Variants in FAM120A observed in about 807,000 individuals in gnomAD.
FAM120A encodes family with sequence similarity 120 member A.
In FAM120A, 15 loss-of-function variants were observed where a neutral mutation model predicts 109.7. That is an observed-to-expected ratio of 0.14 (90% CI 0.09 to 0.21). The LOEUF (loss-of-function observed/expected upper bound fraction) is 0.21, where lower values mean the gene tolerates loss of function less well. Among genes scored for constraint, FAM120A ranks in the 10% least tolerant of loss-of-function variants. The pLI, the probability that FAM120A is intolerant of heterozygous loss-of-function variation, is 1.00. For missense variants in FAM120A, 899 were observed against 1,439.3 expected (o/e 0.62, Z 6.07); for synonymous variants, 493 against 572.8 (o/e 0.86, Z 1.99).
At position 93,486,218 on chromosome 9, in the gene FAM120A, C is replaced by T. The variant is rs147689562; in HGVS notation, c.804+9880C>T. On this transcript the variant is annotated intron_variant, in intron 3 of 17. Transcript: ENST00000277165. ...TCGAACTCCTGGCCTCAAGCATCCT[C>T]CCACCTCGGCCTCCCATAGTCCTGG... 4.5e-3 allele frequency among the ~76,000 whole-genome samples: 681 copies of T among 151,972 alleles called. 3 individuals are homozygous for T. Among genetic ancestry groups the T allele is most frequent in the Non-Finnish European group, 6.7e-3 (457 of 67,964 alleles).
Position 93,532,020 on chromosome 9 carries a change from G to A in FAM120A, c.1735-135G>A. ...ACTCTTCCTAAACATCTTTATTTAG[G>A]CAAGTTGTTAAGCAGTTGATTTGGA... On this transcript the variant is annotated intron_variant, in intron 9 of 17. Transcript: ENST00000277165. This position sits in a 1 kb window ranked among gnomAD's most constrained non-coding sequence, Gnocchi z 4.3. 1.2e-6 allele frequency: 1 copy of A among 831,160 alleles called. No individual in the cohort carries two copies. The highest frequency in any genetic ancestry group is 1.9e-6 in the Non-Finnish European group (1 of 523,476). 51.5% of individuals were successfully genotyped at this position (831,160 alleles called of 1,614,324 possible).
At chr9:93,526,445 C>A (rs1336121199) in intron 7 of FAM120A, among the ~76,000 whole-genome samples, 1 of 152,176 alleles carries the variant, frequency 6.6e-6, no homozygotes, top group African/African-American at 2.4e-5. Context: ...TGGGTAACAG[C>A]ACAGTTACCT....
At chr9:93,471,991 C>A (rs1232417907) in intron 2 of FAM120A, among the ~76,000 whole-genome samples, 4 of 152,140 alleles carry the variant, frequency 2.6e-5, no homozygotes, top group Non-Finnish European at 4.4e-5. Flanking sequence ...AAAAATAATT[C>A]CCCCACGCCT....
rs767550613 is a variant in FAM120A, at chr9:93,562,190, C to A, written c.2949-18C>A. The A allele has an allele frequency of 1.3e-6, 2 of 1,590,804 alleles. No individual in the cohort carries two copies. The highest frequency in any genetic ancestry group is 1.3e-5 in the African/African-American group (1 of 74,486). On this transcript the variant is annotated intron_variant, in intron 16 of 17. Coordinates refer to ENST00000277165, the MANE Select transcript of FAM120A (RefSeq NM_014612.5). ...AACAGATTTAAGTGTTTACTGTTGT[C>A]CTTTTTCATTCATTTAGGCGTCCAA...
intron 1 of FAM120A, among the ~76,000 whole-genome samples, chr9:93,467,252 C>CT (rs1023051282): frequency 1.8e-5 from 2 of 111,722 alleles, no homozygotes; most frequent in Non-Finnish European, 4.2e-5. Flanking sequence ...TGTCACCCCC[C>CT]CCCCCCTTTT....
rs539209250 is a variant in FAM120A, at chr9:93,536,817, G to C, written c.1909+4488G>C. ...TTTTGAAAGTCACGTTGTATTCTGT[G>C]CTGGCAGTTTATTTTCCACGCCTTT... On this transcript the variant is annotated intron_variant, in intron 10 of 17. Coordinates refer to ENST00000277165, the MANE Select transcript of FAM120A (RefSeq NM_014612.5). Among the ~76,000 whole-genome samples the C allele has an allele frequency of 1.3e-4, 20 of 152,328 alleles. No individual in the cohort carries two copies. In the South Asian group the frequency reaches 3.3e-3, roughly 25 times the overall value.
rs143099128 is a variant in FAM120A at position 93,496,827 on chromosome 9, C to T, written c.805-644C>T. Among the ~76,000 whole-genome samples the T allele has an allele frequency of 3.9e-5, 6 of 152,338 alleles. No individual in the cohort carries two copies. The East Asian group carries it at 5.8e-4, about 15-fold the overall frequency. On this transcript the variant is annotated intron_variant, in intron 3 of 17. Transcript: ENST00000277165. ...TCTTCTTTTTCAACCTGTTAACTTACGTTTTTCTAGTGTCAGCTGTTTTTG... is the reference window on the plus strand; with the variant it reads ...TCTTCTTTTTCAACCTGTTAACTTATGTTTTTCTAGTGTCAGCTGTTTTTG...
chr9:93,465,752 C>T (rs941397886), intron 1 of FAM120A, among the ~76,000 whole-genome samples: 10 of 152,254 alleles, frequency 6.6e-5, no homozygotes, highest in Admixed American at 4.6e-4. Context: ...TCATTATGGA[C>T]TTCATTTGGA....
At chr9:93,463,692 TC>T (rs2131225964) in intron 1 of FAM120A, among the ~76,000 whole-genome samples, 1 of 152,348 alleles carries the variant, frequency 6.6e-6, no homozygotes, top group African/African-American at 2.4e-5. Flanking sequence ...CGCTCTTATG[TC>T]AGGTTGTTTT....
chr9:93,550,870 T>C (rs1432028059), intron 12 of FAM120A, among the ~76,000 whole-genome samples, 179 bp downstream of exon 12: 1 of 152,218 alleles, frequency 6.6e-6, no homozygotes, highest in African/African-American at 2.4e-5. Context: ...AAAGGAATAT[T>C]CCTTTCTAGT....
At position 93,545,780 on chromosome 9, in the gene FAM120A, C is replaced by CTTTTTT. The variant is rs774150537; in HGVS notation, c.2159+2330_2159+2335dup. On this transcript the variant is annotated intron_variant, in intron 11 of 17. Transcript: ENST00000277165. Reference sequence around the variant, plus strand: ...GAAGACTGGCTGATGGGAAAGACTCCTTTTTTTTTTTTTTTTTTTTTTTTT... The same window carrying CTTTTTT: ...GAAGACTGGCTGATGGGAAAGACTCCTTTTTTTTTTTTTTTTTTTTTTTTTTTTTTT... 4.6e-3 allele frequency among the ~76,000 whole-genome samples: 303 copies of CTTTTTT among 65,508 alleles called. 35 individuals carry two copies. Among genetic ancestry groups the CTTTTTT allele is most frequent in the African/African-American group, 0.016 (254 of 16,094 alleles). The allele number at this position is 65,508 out of a possible 152,430, so 43.0% of individuals were successfully genotyped here.
intron 12 of FAM120A, among the ~76,000 whole-genome samples, chr9:93,554,069 A>T (rs1449459160): frequency 6.6e-6 from 1 of 151,106 alleles, no homozygotes; most frequent in African/African-American, 2.4e-5. Context: ...ACTATAAATA[A>T]CATTTAAAAA....
chr9:93,475,897 C>T (rs1408479495), intron 2 of FAM120A, among the ~76,000 whole-genome samples: 1 of 152,202 alleles, frequency 6.6e-6, no homozygotes, highest in East Asian at 1.9e-4. Flanking sequence ...AAAGCTTGAA[C>T]CATAGTCATT....
chr9:93,545,365 G>A (rs1297168761), intron 11 of FAM120A, among the ~76,000 whole-genome samples: 2 of 152,258 alleles, frequency 1.3e-5, no homozygotes, highest in African/African-American at 4.8e-5. Context: ...GCACAGTCCA[G>A]TGTCCCTCCC....
intron 1 of FAM120A, among the ~76,000 whole-genome samples, chr9:93,459,563 C>T (rs1857697660): frequency 6.6e-6 from 1 of 152,182 alleles, no homozygotes. Flanking sequence ...CTTCAGGGAG[C>T]CTATAGCCTC....
chr9:93,498,948 T>A lies in FAM120A; in HGVS notation c.1030+62T>A. 9.7e-7 allele frequency: 1 copy of A among 1,026,992 alleles called. No homozygotes were observed. Among genetic ancestry groups the A allele is most frequent in the East Asian group, 2.4e-5 (1 of 42,196 alleles). 63.6% of individuals were successfully genotyped at this position (1,026,992 alleles called of 1,614,324 possible). On this transcript the variant is annotated intron_variant, in intron 5 of 17. Coordinates refer to ENST00000277165, the MANE Select transcript of FAM120A (RefSeq NM_014612.5). The surrounding 1 kb of genome is among the most constrained non-coding windows in gnomAD (Gnocchi z 4.4). ...ATGATAATCCAAGTAGGTTTAAATA[T>A]TCACCATATAATCTTGTAGGTTTAT...
chr9:93,451,906 C>G lies in FAM120A; in HGVS notation c.-10C>G. 1.6e-6 allele frequency: 2 copies of G among 1,275,804 alleles called. No individual in the cohort carries two copies. The highest frequency in any genetic ancestry group is 2.0e-6 in the Non-Finnish European group (2 of 1,015,990). The allele number at this position is 1,275,804 out of a possible 1,614,324, so 79.0% of individuals were successfully genotyped here. ...CCGCCCGCACCCGCGCCCGCGCCCC[C>G]GCCGCCGCCATGGGCGTGCAGGGCT... On this transcript the variant is annotated 5_prime_UTR_variant, in exon 1 of 18. Transcript: ENST00000277165.
At chr9:93,473,763 G>A (rs1588800381) in intron 2 of FAM120A, among the ~76,000 whole-genome samples, 1 of 152,188 alleles carries the variant, frequency 6.6e-6, no homozygotes. Flanking sequence ...TGGGGATTTG[G>A]GGATTAAAAC....
intron 11 of FAM120A, among the ~76,000 whole-genome samples, chr9:93,547,093 G>A (rs961513355): frequency 6.6e-6 from 1 of 152,190 alleles, no homozygotes; most frequent in Non-Finnish European, 1.5e-5. Context: ...GCAGAGACGG[G>A]GGATGGAGTC....
Sources: allele counts gnomAD v4.1 joint callset (sites outside exome capture counted in the v4.1 genomes callset), GRCh38; gene constraint gnomAD v4.1.1; non-coding constraint Gnocchi (gnomAD v3.1); transcripts MANE v1.5; gene names NCBI Gene and HGNC (gene_info 2026-07-23, HGNC 2026-07-21).